The following CAMKMT variants were observed in gnomAD, a reference collection of about 807,000 sequenced individuals.
CAMKMT encodes the protein calmodulin-lysine N-methyltransferase.
In CAMKMT, 53 loss-of-function variants were observed where a neutral mutation model predicts 48.0. That is an observed-to-expected ratio of 1.10 (90% CI 0.89 to 1.39). The LOEUF is 1.39. CAMKMT is among the 40% of genes most tolerant of loss of function. The probability of loss-of-function intolerance (pLI) is 0.00; values close to 1 mark genes in which losing one functional copy is unlikely to be tolerated. For missense variants in CAMKMT, 428 were observed against 402.7 expected (o/e 1.06, Z -0.54); for synonymous variants, 165 against 152.3 (o/e 1.08, Z -0.61).
chr2:44,601,849 A>G (rs1671010766), intron 3 of CAMKMT, among the ~76,000 whole-genome samples: 1 of 152,088 alleles, frequency 6.6e-6, no homozygotes, highest in South Asian at 2.1e-4. Context: ...ACACAAAGCT[A>G]AAAGGAAAAG....
At chr2:44,576,327 T>TAA (rs569571059) in intron 3 of CAMKMT, among the ~76,000 whole-genome samples, 14 of 76,638 alleles carry the variant, frequency 1.8e-4, no homozygotes, top group African/African-American at 4.9e-4. Context: ...AAACTCTGTC[T>TAA]AAAAAAAAAA....
intron 3 of CAMKMT, among the ~76,000 whole-genome samples, chr2:44,629,585 C>G (rs1423347233): frequency 6.6e-6 from 1 of 151,822 alleles, no homozygotes; most frequent in Non-Finnish European, 1.5e-5. Flanking sequence ...ACTACAGGTG[C>G]ACACCACCAT....
chr2:44,675,863 T>C (rs941361100), intron 3 of CAMKMT, among the ~76,000 whole-genome samples: 2 of 152,202 alleles, frequency 1.3e-5, no homozygotes, highest in African/African-American at 4.8e-5. Context: ...ACCATCATTC[T>C]ACTTTCTTTC....
intron 3 of CAMKMT, among the ~76,000 whole-genome samples, chr2:44,601,964 T>C (rs1671017277): frequency 1.3e-5 from 2 of 152,118 alleles, no homozygotes; most frequent in Admixed American, 6.6e-5. Flanking sequence ...AATGATACCA[T>C]ATTGCATATG....
chr2:44,624,862 A>C (rs967175765), intron 3 of CAMKMT, among the ~76,000 whole-genome samples: 11 of 152,148 alleles, frequency 7.2e-5, no homozygotes, highest in Non-Finnish European at 4.4e-5. Context: ...GGCTGGGTCA[A>C]ATAGTATTTC....
chr2:44,430,773 A>G (rs1202941367), intron 3 of CAMKMT, among the ~76,000 whole-genome samples: 1 of 152,170 alleles, frequency 6.6e-6, no homozygotes, highest in African/African-American at 2.4e-5. Context: ...TTTACTGTTA[A>G]AAGTAAATGA....
chr2:44,640,822 C>T (rs17032452), intron 3 of CAMKMT, among the ~76,000 whole-genome samples: 89,860 of 152,046 alleles, frequency 0.59, 27,491 homozygotes, highest in Admixed American at 0.68. Context: ...TCTCAAGCTT[C>T]TTTAATATCT....
chr2:44,550,055 C>T (rs1331964066), intron 3 of CAMKMT, among the ~76,000 whole-genome samples: 1 of 152,110 alleles, frequency 6.6e-6, no homozygotes, highest in Non-Finnish European at 1.5e-5. Flanking sequence ...CACAAAAATA[C>T]CTTGATAAAG....
intron 3 of CAMKMT, among the ~76,000 whole-genome samples, chr2:44,410,219 A>C (rs1683093525): frequency 1.5e-5 from 1 of 66,842 alleles, no homozygotes; most frequent in African/African-American, 6.3e-5. Flanking sequence ...TTAAGTAATT[A>C]GTCAGGTATC....
At chr2:44,599,885 A>G (rs1670883235) in intron 3 of CAMKMT, among the ~76,000 whole-genome samples, 2 of 152,012 alleles carry the variant, frequency 1.3e-5, no homozygotes, top group African/African-American at 4.8e-5. Context: ...CTAGGAAGCA[A>G]TTCATTCCAA....
intron 3 of CAMKMT, among the ~76,000 whole-genome samples, chr2:44,507,421 C>G (rs1330204113): frequency 6.6e-6 from 1 of 152,216 alleles, no homozygotes; most frequent in African/African-American, 2.4e-5. Flanking sequence ...ATCACATTTT[C>G]TCCTTTTTAT....
intron 3 of CAMKMT, among the ~76,000 whole-genome samples, chr2:44,604,674 T>C (rs1671187448): frequency 6.6e-6 from 1 of 152,096 alleles, no homozygotes; most frequent in Non-Finnish European, 1.5e-5. Flanking sequence ...TACTATTTTT[T>C]CACTGTAAAC....
At chr2:44,384,500 C>CTTTTTTTTTTTTTTTTTTTTTTT (rs141017634) in intron 2 of CAMKMT, among the ~76,000 whole-genome samples, 9 of 95,858 alleles carry the variant, frequency 9.4e-5, no homozygotes, top group African/African-American at 3.0e-4. Context: ...AGCTATTTAT[C>CTTTTTTTTTTTTTTTTTTTTTTT]TTTTTTTTTT....
chr2:44,654,453 T>C (rs1573002450), intron 3 of CAMKMT, among the ~76,000 whole-genome samples: 1 of 152,204 alleles, frequency 6.6e-6, no homozygotes, highest in East Asian at 1.9e-4. Flanking sequence ...TAACAATTAG[T>C]TGTATGCCCT....
intron 3 of CAMKMT, among the ~76,000 whole-genome samples, chr2:44,568,295 A>C (rs1302149134): frequency 6.6e-6 from 1 of 152,218 alleles, no homozygotes; most frequent in African/African-American, 2.4e-5. Flanking sequence ...CTGTTACTCA[A>C]AAGTTTATGT....
At chr2:44,555,899 A>C (rs961196371) in intron 3 of CAMKMT, among the ~76,000 whole-genome samples, 1 of 152,134 alleles carries the variant, frequency 6.6e-6, no homozygotes, top group African/African-American at 2.4e-5. Flanking sequence ...CAAAGAGGTC[A>C]TTATTGATTT....
intron 3 of CAMKMT, among the ~76,000 whole-genome samples, chr2:44,443,449 A>G (rs1042277990): frequency 1.3e-5 from 2 of 152,142 alleles, no homozygotes; most frequent in African/African-American, 2.4e-5. Context: ...TCTTTGGGGT[A>G]TGTAAATCAG....
intron 3 of CAMKMT, among the ~76,000 whole-genome samples, chr2:44,429,881 T>C (rs578143865): frequency 6.6e-6 from 1 of 151,198 alleles, no homozygotes; most frequent in Admixed American, 6.6e-5. Flanking sequence ...CCCATAATTA[T>C]GTAGGGTCTC....
At chr2:44,537,228 C>T (rs1457027058) in intron 3 of CAMKMT, among the ~76,000 whole-genome samples, 1 of 152,184 alleles carries the variant, frequency 6.6e-6, no homozygotes, top group Non-Finnish European at 1.5e-5. Context: ...AAAGGCATAA[C>T]CTTCTGAATA....
Sources: allele counts gnomAD v4.1 joint callset (sites outside exome capture counted in the v4.1 genomes callset), GRCh38; gene constraint gnomAD v4.1.1; transcripts MANE v1.5; gene names NCBI Gene and HGNC (gene_info 2026-07-23, HGNC 2026-07-21).